The following NCOA1 variants were observed in gnomAD, a reference collection of about 807,000 sequenced individuals.
NCOA1 encodes nuclear receptor coactivator 1.
Under a neutral mutation model 150.9 loss-of-function variants are expected in NCOA1, and 35 were observed. The ratio of observed to expected loss-of-function variants is 0.23; its 90% CI spans 0.18 to 0.31. The LOEUF is 0.31. Among genes scored for constraint, NCOA1 ranks in the 10% least tolerant of loss-of-function variants. NCOA1 has a pLI of 1.00. For missense variants in NCOA1, 1,491 were observed against 1,749.3 expected (o/e 0.85, Z 2.63); for synonymous variants, 590 against 630.0 (o/e 0.94, Z 0.95).
chr2:24,669,431 G>A lies in NCOA1; in HGVS notation c.256+3516G>A, dbSNP rs1267566109. Among the ~76,000 whole-genome samples the A allele has an allele frequency of 2.0e-5, 3 of 152,162 alleles. No individual in the cohort carries two copies. The East Asian group carries it at 5.8e-4, about 29-fold the overall frequency. ...TACAGATAAGACCCAGAAATTGCAT[G>A]TCACTTCTGTTCACGTTCCGTTAGG... is the stretch of plus-strand genomic sequence containing the variant. On this transcript the variant is annotated intron_variant, in intron 6 of 22. Transcript: ENST00000348332.
intron 3 of NCOA1, among the ~76,000 whole-genome samples, chr2:24,586,864 T>C (rs376715784): frequency 6.6e-6 from 1 of 152,318 alleles, no homozygotes; most frequent in East Asian, 1.9e-4. Flanking sequence ...CCTCTTTTCC[T>C]AGTCCTTTCA....
chr2:24,495,115 T>TA (rs1553418658), intron 1 of NCOA1, among the ~76,000 whole-genome samples: 1 of 150,382 alleles, frequency 6.6e-6, no homozygotes, highest in Non-Finnish European at 1.5e-5. Flanking sequence ...TTTTTTTTTT[T>TA]AATAGCTTAG....
chr2:24,560,402 T>C (rs1666250751), intron 1 of NCOA1, among the ~76,000 whole-genome samples: 1 of 152,180 alleles, frequency 6.6e-6, no homozygotes, highest in Admixed American at 6.5e-5. Context: ...CACTCTTTGT[T>C]AGACCAAGAG....
At chr2:24,642,064 G>T (rs937927312) in intron 3 of NCOA1, among the ~76,000 whole-genome samples, 1 of 151,132 alleles carries the variant, frequency 6.6e-6, no homozygotes, top group Non-Finnish European at 1.5e-5. Context: ...GTGTGTGTAT[G>T]TGTTTTCCCC....
intron 1 of NCOA1, among the ~76,000 whole-genome samples, chr2:24,512,885 C>T (rs1663994374): frequency 6.6e-6 from 1 of 152,212 alleles, no homozygotes; most frequent in Admixed American, 6.5e-5. Context: ...TCTTTGATCT[C>T]AACTCGCTTT....
At chr2:24,501,248 A>G (rs1054734899) in intron 1 of NCOA1, among the ~76,000 whole-genome samples, 2 of 152,238 alleles carry the variant, frequency 1.3e-5, no homozygotes, top group African/African-American at 4.8e-5. Flanking sequence ...CATATTTGTG[A>G]GGTAACATTT....
intron 18 of NCOA1, among the ~76,000 whole-genome samples, chr2:24,740,017 A>G (rs1348134916): frequency 1.3e-5 from 2 of 152,124 alleles, no homozygotes; most frequent in Non-Finnish European, 2.9e-5. Flanking sequence ...TAAACATAAA[A>G]AGAACTAGGT....
chr2:24,631,273 C>G (rs1669698466), intron 3 of NCOA1, among the ~76,000 whole-genome samples: 1 of 152,102 alleles, frequency 6.6e-6, no homozygotes, highest in African/African-American at 2.4e-5. Flanking sequence ...TGGCAGTACA[C>G]CTAACCTAAA....
chr2:24,640,436 T>TA (rs1402222549), intron 3 of NCOA1, among the ~76,000 whole-genome samples: 1 of 152,200 alleles, frequency 6.6e-6, no homozygotes, highest in Non-Finnish European at 1.5e-5. Context: ...TCTTCAATGA[T>TA]ATGTACAGAT....
chr2:24,603,882 G>T (rs1668239900), intron 3 of NCOA1, among the ~76,000 whole-genome samples: 1 of 152,166 alleles, frequency 6.6e-6, no homozygotes, highest in Admixed American at 6.5e-5. Context: ...AAGGTTTTTA[G>T]TTACTTTGCC....
intron 3 of NCOA1, among the ~76,000 whole-genome samples, chr2:24,600,566 T>C (rs1668071062): frequency 6.6e-6 from 1 of 152,242 alleles, no homozygotes; most frequent in South Asian, 2.1e-4. Flanking sequence ...TTACTTATAC[T>C]GTGTATGCCT....
At chr2:24,660,158 A>G (rs147048299) in intron 5 of NCOA1, among the ~76,000 whole-genome samples, 6 of 152,356 alleles carry the variant, frequency 3.9e-5, no homozygotes, top group Non-Finnish European at 5.9e-5. Flanking sequence ...TCAAGATGCA[A>G]TCTAGAAGTG....
In NCOA1 at chr2:24,724,967, CATTT is replaced by C. The variant is rs1164711527; in HGVS notation, c.2600-1621_2600-1618del. Among the ~76,000 whole-genome samples, 3 of 151,824 alleles carry C rather than the reference CATTT, an allele frequency of 2.0e-5. No individual in the cohort carries two copies. In the East Asian group the frequency reaches 5.8e-4, roughly 29 times the overall value. On this transcript the variant is annotated intron_variant, in intron 14 of 22. Coordinates refer to ENST00000348332, the MANE Select transcript of NCOA1 (RefSeq NM_003743.5). ...ATCCTACAGAATTTGATTTCTATAT[CATTT>C]GTCATGATAGAGATGAGGTTAATCG...
intron 3 of NCOA1, among the ~76,000 whole-genome samples, chr2:24,629,203 T>A: frequency 6.6e-6 from 1 of 152,162 alleles, no homozygotes; most frequent in East Asian, 1.9e-4. Flanking sequence ...GCAACAGTCT[T>A]TTGAGAATAG....
intron 19 of NCOA1, among the ~76,000 whole-genome samples, chr2:24,745,157 C>CTTTTTTTTTT (rs201221705): frequency 4.6e-5 from 6 of 131,686 alleles, no homozygotes; most frequent in African/African-American, 5.7e-5. Flanking sequence ...TTTCTTTTTT[C>CTTTTTTTTTT]TTTTTTTTTT....
chr2:24,741,967 G>A lies in NCOA1; in HGVS notation c.3487G>A (p.Ala1163Thr). ...QMGNPRLPQGAPQQFPYPPNY... is the reference protein window; with the variant it reads ...QMGNPRLPQGTPQQFPYPPNY... Reference sequence around the variant, plus strand: ...GGGGAACCCCCGTCTTCCTCAGGGTGCTCCACAGCAATTCCCCTATCCACC... The same window carrying A: ...GGGGAACCCCCGTCTTCCTCAGGGTACTCCACAGCAATTCCCCTATCCACC... The change falls in exon 19 of 23, where the codon GCT becomes ACT. Residue 1163 changes from alanine (A) to threonine (T), a missense_variant. By Grantham distance (58) the Ala-to-Thr change is moderately conservative. Around this residue, in one of 8 missense-constraint regions of NCOA1, gnomAD observed 485 missense variants for 522.8 expected, o/e 0.93. Coordinates refer to ENST00000348332, the MANE Select transcript of NCOA1 (RefSeq NM_003743.5). The A allele has an allele frequency of 6.2e-7, 1 of 1,614,210 alleles. No individual in the cohort carries two copies. The highest frequency in any genetic ancestry group is 8.5e-7 in the Non-Finnish European group (1 of 1,180,040).
intron 3 of NCOA1, among the ~76,000 whole-genome samples, chr2:24,598,920 G>T: frequency 6.6e-6 from 1 of 152,012 alleles, no homozygotes; most frequent in Non-Finnish European, 1.5e-5. Flanking sequence ...ATTTCTTAAA[G>T]ATCTAGTTTT....
At chr2:24,711,624 G>A (rs1673753388) in intron 14 of NCOA1, 1 of 152,206 alleles carries the variant, frequency 6.6e-6, no homozygotes, top group Admixed American at 6.5e-5. Flanking sequence ...TCCTGATTAT[G>A]GAATTTCTTT....
chr2:24,763,519 G>A (rs1294092911), intron 22 of NCOA1, among the ~76,000 whole-genome samples: 2 of 127,942 alleles, frequency 1.6e-5, no homozygotes, highest in African/African-American at 2.9e-5. Context: ...CAGCCTGGGC[G>A]ACAGCGAGAC....
Sources: allele counts gnomAD v4.1 joint callset (sites outside exome capture counted in the v4.1 genomes callset), GRCh38; gene constraint gnomAD v4.1.1; regional missense constraint gnomAD v4.1.1; transcripts MANE v1.5; gene names NCBI Gene and HGNC (gene_info 2026-07-23, HGNC 2026-07-21).